CCDC183: variants seen among roughly 807,000 people sequenced by gnomAD.
CCDC183 encodes the protein coiled-coil domain containing 183.
CCDC183 carries 63 observed loss-of-function variants against 65.2 expected under a neutral mutation model. The ratio of observed to expected loss-of-function variants is 0.97; its 90% confidence interval spans 0.79 to 1.19. The LOEUF (loss-of-function observed/expected upper bound fraction) is 1.19, where lower values mean the gene tolerates loss of function less well. CCDC183 is among the 50% of genes most tolerant of loss of function. The pLI, the probability that CCDC183 is intolerant of heterozygous loss-of-function variation, is 0.00. For synonymous variants in CCDC183, 323 were observed against 276.5 expected, an observed-to-expected ratio of 1.17 and a Z score of -1.67; for missense variants, 769 against 689.3, an observed-to-expected ratio of 1.12 and a Z score of -1.30.
Position 136,804,880 on chromosome 9 carries a change from G to A in CCDC183, c.847+64G>A. ...CCAAGGAGAGGCTGGCACTGATTCA[G>A]GCCAACGGATCAAGTCACCCTGAGG... On this transcript the variant is annotated intron_variant, in intron 8 of 13. Coordinates refer to ENST00000338005, the MANE Select transcript of CCDC183 (RefSeq NM_001039374.5). The surrounding 1 kb of genome is among the most constrained non-coding windows in gnomAD (Gnocchi z 4.1). The A allele has an allele frequency of 1.4e-6, 2 of 1,429,954 alleles. No individual in the cohort carries two copies. The highest frequency in any genetic ancestry group is 2.3e-5 in the South Asian group (2 of 86,502). The allele number at this position is 1,429,954 out of a possible 1,614,324, so 88.6% of individuals were successfully genotyped here. A position where few individuals can be genotyped will look rare whatever the true frequency, so the allele number is the denominator to read the frequency against.
chr9:136,800,314 G>C (rs118106795), intron 4 of CCDC183, 75 bp from the exon 5 acceptor site: 12 of 1,486,044 alleles, frequency 8.1e-6, no homozygotes, highest in Admixed American at 3.9e-5. Flanking sequence ...GACCCTCTCC[G>C]GAGAAAACCC....
At chr9:136,801,710 C>G (rs1171275089) in intron 5 of CCDC183, among the ~76,000 whole-genome samples, 1 of 151,968 alleles carries the variant, frequency 6.6e-6, no homozygotes, top group Non-Finnish European at 1.5e-5. Context: ...AGTCTCAGAA[C>G]AAAGGAAAAA....
Position 136,806,138 on chromosome 9 carries a change from G to A in CCDC183, c.1009G>A (p.Glu337Lys). ...NTEENLELQM[E>K]DCEEWRVQLK... ...GGAGGAGAACCTGGAGCTGCAGATG[G>A]AGGACTGTGAGGAGTGGCGGGTGCA... Residue 337 changes from glutamate (E) to lysine (K), a missense_variant, in exon 10 of 14, where the codon GAG becomes AAG. Glu to Lys is a moderately conservative substitution (Grantham distance 56, BLOSUM62 1). Transcript: ENST00000338005. The A allele has an allele frequency of 6.4e-7, 1 of 1,560,594 alleles. No homozygotes were observed. The highest frequency in any genetic ancestry group is 8.7e-7 in the Non-Finnish European group (1 of 1,151,996).
Position 136,799,099 on chromosome 9 carries a change from C to G in CCDC183, c.71-3C>G. ...CCACTGTGTCCCCTCCACCTGCCCACAGAGCAGTGTCGGGCACTCCAGATC... is the reference window on the plus strand; with the variant it reads ...CCACTGTGTCCCCTCCACCTGCCCAGAGAGCAGTGTCGGGCACTCCAGATC... On this transcript the variant is annotated splice_region_variant and splice_polypyrimidine_tract_variant and intron_variant, in intron 1 of 13. Transcript: ENST00000338005. The G allele has an allele frequency of 6.2e-7, 1 of 1,613,072 alleles. No homozygotes were observed. The highest frequency in any genetic ancestry group is 8.5e-7 in the Non-Finnish European group (1 of 1,179,706).
At position 136,800,502 on chromosome 9, in the gene CCDC183, A is replaced by C. The variant is rs1238216636; in HGVS notation, c.543+9A>C. On this transcript the variant is annotated intron_variant, in intron 5 of 13. Coordinates refer to ENST00000338005, the MANE Select transcript of CCDC183 (RefSeq NM_001039374.5). ...TGGATTATCTGAAGACAGTGAGCCC[A>C]GCGGCCCGGGAAGGGCGGGGGTCAG... 6.4e-7 allele frequency: 1 copy of C among 1,555,180 alleles called. No homozygotes were observed. The highest frequency in any genetic ancestry group is 1.1e-5 in the South Asian group (1 of 88,652).
intron 5 of CCDC183, 123 bp from the exon 6 acceptor site, chr9:136,802,541 G>A (rs940193312): frequency 3.0e-6 from 4 of 1,339,226 alleles, no homozygotes; most frequent in South Asian, 2.9e-5. Context: ...GGGAGTGGGG[G>A]AGGTGGCTGG....
chr9:136,807,585 C>T lies in CCDC183; in HGVS notation c.1500C>T (p.Phe500=). 1 of 1,604,406 alleles carries T rather than the reference C, an allele frequency of 6.2e-7. No individual in the cohort carries two copies. Among genetic ancestry groups the T allele is most frequent in the Non-Finnish European group, 8.5e-7 (1 of 1,176,188 alleles). The change falls in exon 14 of 14, where the codon TTC becomes TTT. Residue 500 remains phenylalanine, a synonymous_variant. Transcript: ENST00000338005. ...REEDMIDTFQ[F]PDMDHSYVPS... is the part of the protein sequence containing the mutation. ...CTCCGCCCGCAGACACCTTCCAGTT[C>T]CCCGACATGGACCACAGCTACGTCC...
rs766745692 is a variant in CCDC183 at position 136,804,823 on chromosome 9, G to A, written c.847+7G>A. 40 of 1,613,384 alleles carry A rather than the reference G, an allele frequency of 2.5e-5. No homozygotes were observed. Among genetic ancestry groups the A allele is most frequent in the African/African-American group, 1.7e-4 (13 of 74,972 alleles). ...AGCACGGAGACCCTGAAATGTAAGC[G>A]CTCAGCTCCCCACCTGCCCCCAGCC... is the stretch of plus-strand genomic sequence containing the variant. On this transcript the variant is annotated splice_region_variant and intron_variant, in intron 8 of 13. Coordinates refer to ENST00000338005, the MANE Select transcript of CCDC183 (RefSeq NM_001039374.5). This position sits in a 1 kb window ranked among gnomAD's most constrained non-coding sequence, Gnocchi z 4.1.
In CCDC183 at chr9:136,807,049, GGGA is replaced by G. The variant is rs760814907; in HGVS notation, c.1476_1478del (p.Glu492del). On this transcript the variant is annotated inframe_deletion, in exon 13 of 14. Coordinates refer to ENST00000338005, the MANE Select transcript of CCDC183 (RefSeq NM_001039374.5). ...AACACCAGGATCAGCTTTGAGAACC[GGGA>G]GGAGGATATGATCGGTACAGGCCCC... is the stretch of plus-strand genomic sequence containing the variant. The G allele has an allele frequency of 1.2e-6, 2 of 1,613,258 alleles. No individual in the cohort carries two copies. Among genetic ancestry groups the G allele is most frequent in the Non-Finnish European group, 1.7e-6 (2 of 1,179,982 alleles).
chr9:136,804,544 C>G lies in CCDC183; in HGVS notation c.709C>G (p.Arg237Gly), dbSNP rs761372377. The stretch of plus-strand genomic sequence containing the variant: ...GGAGGCGTCCTTCATCGAGGAGCGC[C>G]GGGCAAGGGAGAACCGGCTCAACCA... ...QREASFIEER[R>G]ARENRLNQQK... Residue 237 changes from arginine to glycine, a missense_variant, in exon 7 of 14, where the codon CGG becomes GGG. Arg to Gly is a moderately radical substitution (Grantham distance 125). Transcript: ENST00000338005. This position sits in a 1 kb window ranked among gnomAD's most constrained non-coding sequence, Gnocchi z 4.1. 6.8e-6 allele frequency: 11 copies of G among 1,613,332 alleles called. No individual in the cohort carries two copies. The highest frequency in any genetic ancestry group is 1.3e-5 in the African/African-American group (1 of 74,908).
At chr9:136,805,553 G>A (rs1847829218) in intron 9 of CCDC183, 96 bp downstream of exon 9, 2 of 1,180,840 alleles carry the variant, frequency 1.7e-6, no homozygotes, top group South Asian at 1.3e-5. Flanking sequence ...ATGGCAGGAG[G>A]GTGGCTGAGC....
rs375784439 is a variant in CCDC183 at position 136,807,606 on chromosome 9, C to T, written c.1521C>T (p.Tyr507=). The T allele has an allele frequency of 1.2e-6, 2 of 1,605,566 alleles. No individual in the cohort carries two copies. Among genetic ancestry groups the T allele is most frequent in the East Asian group, 2.3e-5 (1 of 44,266 alleles). Residue 507 remains tyrosine, a synonymous_variant, in exon 14 of 14, where the codon TAC becomes TAT. Coordinates refer to ENST00000338005, the MANE Select transcript of CCDC183 (RefSeq NM_001039374.5). ...AGTTCCCCGACATGGACCACAGCTACGTCCCTTCGCGCGCCGAGATCAAGA... is the reference window on the plus strand; with the variant it reads ...AGTTCCCCGACATGGACCACAGCTATGTCCCTTCGCGCGCCGAGATCAAGA... The part of the protein sequence containing the change: ...TFQFPDMDHS[Y]VPSRAEIKRQ...
At position 136,800,007 on chromosome 9, in the gene CCDC183, G is replaced by A. The variant is rs1847711804; in HGVS notation, c.276G>A (p.Val92=). 6.3e-7 allele frequency: 1 copy of A among 1,586,622 alleles called. No individual in the cohort carries two copies. Among genetic ancestry groups the A allele is most frequent in the Non-Finnish European group, 8.6e-7 (1 of 1,167,168 alleles). ...LAHCRSTMEV[V]REKLRKYVFD... is the part of the protein sequence containing the mutation. Reference sequence around the variant, plus strand: ...CGGTGCCCTTCCCGACCCAGGTGGTGCGGGAGAAGCTGCGCAAGTACGTCT... The same window carrying A: ...CGGTGCCCTTCCCGACCCAGGTGGTACGGGAGAAGCTGCGCAAGTACGTCT... The change falls in exon 4 of 14, where the codon GTG becomes GTA. Residue 92 remains valine (V), a synonymous_variant. Coordinates refer to ENST00000338005, the MANE Select transcript of CCDC183 (RefSeq NM_001039374.5).
intron 6 of CCDC183, among the ~76,000 whole-genome samples, chr9:136,803,561 G>C (rs1049480086): frequency 1.3e-5 from 2 of 152,206 alleles, no homozygotes; most frequent in African/African-American, 4.8e-5. Context: ...GGGACAGGCA[G>C]ACCCTGTCCT....
chr9:136,807,689 A>G lies in CCDC183; in HGVS notation c.1604A>G (p.Ter535TrpextTer?). 6.3e-7 allele frequency: 1 copy of G among 1,596,080 alleles called. No individual in the cohort carries two copies. The highest frequency in any genetic ancestry group is 8.5e-7 in the Non-Finnish European group (1 of 1,171,468). ...KLKAAKKKKK* is the reference protein window; with the variant it reads ...KLKAAKKKKKW ...AAGGCGGCCAAGAAAAAGAAGAAGT[A>G]GCCCCGCCGCCCCGCTCCCTGCTTT... Residue 535 changes from the stop codon to tryptophan (W), a stop_lost, in exon 14 of 14, where the codon TAG becomes TGG. Transcript: ENST00000338005.
At chr9:136,802,600 A>G (rs1009391042) in intron 5 of CCDC183, 64 bp from the exon 6 acceptor site, 1 of 1,542,866 alleles carries the variant, frequency 6.5e-7, no homozygotes, top group Non-Finnish European at 8.7e-7. Flanking sequence ...TAGTCGGGGG[A>G]TAAAAGCTCG....
At chr9:136,807,451 G>A (rs1200646490) in intron 13 of CCDC183, 121 bp from the exon 14 acceptor site, 3 of 1,265,658 alleles carry the variant, frequency 2.4e-6, no homozygotes, top group African/African-American at 1.5e-5. Context: ...CCGGCACGCT[G>A]GGGCTGTCCC....
Position 136,799,907 on chromosome 9 carries a change from T to C in CCDC183, c.271-95T>C, listed in dbSNP as rs1847709593. 3 of 1,516,360 alleles carry C rather than the reference T, an allele frequency of 2.0e-6. No homozygotes were observed. The South Asian group carries it at 3.6e-5, about 18-fold the overall frequency. 93.9% of individuals were successfully genotyped at this position (1,516,360 alleles called of 1,614,324 possible). A position where few individuals can be genotyped will look rare whatever the true frequency, so the allele number is the denominator to read the frequency against. On this transcript the variant is annotated intron_variant, in intron 3 of 13. Transcript: ENST00000338005. The stretch of plus-strand genomic sequence containing the variant: ...CAGGTGCCCAGCCCCAGGTTCCCTG[T>C]GGGGTTGCCACGAGCCTCCACCCGC...
At chr9:136,805,200 G>C (rs2131138053) in intron 8 of CCDC183, 157 bp from the exon 9 acceptor site, 1 of 636,890 alleles carries the variant, frequency 1.6e-6, no homozygotes, top group South Asian at 1.9e-5. Context: ...GGGCTGAGGA[G>C]GGAGCAGGTT....
Sources: allele counts gnomAD v4.1 joint callset (sites outside exome capture counted in the v4.1 genomes callset), GRCh38; gene constraint gnomAD v4.1.1; non-coding constraint Gnocchi (gnomAD v3.1); transcripts MANE v1.5; gene names NCBI Gene and HGNC (gene_info 2026-07-23, HGNC 2026-07-21).